RPS6KC1: variants seen among roughly 807,000 people sequenced by gnomAD.
The protein encoded by RPS6KC1 is inactive ribosomal protein S6 kinase delta-1.
Under a neutral mutation model 103.8 loss-of-function variants are expected in RPS6KC1, and 54 were observed. The ratio of observed to expected loss-of-function variants is 0.52; its 90% confidence interval spans 0.42 to 0.65. The LOEUF (loss-of-function observed/expected upper bound fraction) is 0.65. Ranked by LOEUF, RPS6KC1 falls within the 30% of genes least tolerant of loss-of-function variation. The pLI is 0.00. For synonymous variants in RPS6KC1, 439 were observed against 438.7 expected, an observed-to-expected ratio of 1.00 and a Z score of -0.01; for missense variants, 1,151 against 1,253.8, an observed-to-expected ratio of 0.92 and a Z score of 1.24.
chr1:213,670,698 A>G, the RPS6KC1 span, among the ~76,000 whole-genome samples: 1 of 152,062 alleles, frequency 6.6e-6, no homozygotes, highest in Non-Finnish European at 1.5e-5. Context: ...ACTGACCTGG[A>G]AGCTGCAAAG....
intron 5 of RPS6KC1, among the ~76,000 whole-genome samples, chr1:213,128,510 T>C (rs569368180): frequency 6.6e-6 from 1 of 152,296 alleles, no homozygotes; most frequent in South Asian, 2.1e-4. Context: ...AAGTCTGATA[T>C]GTATTGTGGA....
chr1:213,098,192 T>G (rs1183529256), intron 3 of RPS6KC1, among the ~76,000 whole-genome samples: 1 of 152,128 alleles, frequency 6.6e-6, no homozygotes, highest in Non-Finnish European at 1.5e-5. Context: ...CATGGCTCAC[T>G]GCAGTCTTGA....
the RPS6KC1 span, among the ~76,000 whole-genome samples, chr1:213,627,124 C>T: frequency 6.6e-6 from 1 of 152,126 alleles, no homozygotes. Flanking sequence ...TGTGGTTCTC[C>T]TTGAAGAGGT....
the RPS6KC1 span, among the ~76,000 whole-genome samples, chr1:213,502,601 C>T: frequency 6.6e-6 from 1 of 151,910 alleles, no homozygotes; most frequent in Non-Finnish European, 1.5e-5. Flanking sequence ...TCAGGAAAAC[C>T]ATGTAGTCAT....
chr1:213,213,911 C>T (rs746534231), intron 8 of RPS6KC1, among the ~76,000 whole-genome samples: 7 of 152,134 alleles, frequency 4.6e-5, no homozygotes, highest in South Asian at 2.1e-4. Flanking sequence ...CCAAGATGGC[C>T]GAATAGGAAC....
chr1:213,211,467 C>T (rs1469286349), intron 8 of RPS6KC1, among the ~76,000 whole-genome samples: 1 of 152,282 alleles, frequency 6.6e-6, no homozygotes, highest in African/African-American at 2.4e-5. Context: ...TTTAGCAATT[C>T]TGTTTTAAAC....
intron 14 of RPS6KC1, among the ~76,000 whole-genome samples, chr1:213,267,266 G>A (rs2094933772): frequency 6.6e-6 from 1 of 151,616 alleles, no homozygotes; most frequent in Admixed American, 6.6e-5. Flanking sequence ...ACAGACACAG[G>A]GGTGACCCCG....
chr1:213,827,405 C>T, the RPS6KC1 span, among the ~76,000 whole-genome samples: 1 of 152,170 alleles, frequency 6.6e-6, no homozygotes, highest in Non-Finnish European at 1.5e-5. Flanking sequence ...GAGGAACCTC[C>T]ATGCTAGGCA....
rs1247074385 is a variant in RPS6KC1, at chr1:213,274,669, C to T, written c.*2035C>T. On this transcript the variant is annotated 3_prime_UTR_variant, in exon 15 of 15. Transcript: ENST00000366960. ...TGGTGTGTACATATTTTAAGCTGTA[C>T]TTCTGTGAATGGTACTGATTTTTGT... is the stretch of plus-strand genomic sequence containing the variant. The T allele has an allele frequency of 3.3e-5, 5 of 151,294 alleles. No individual in the cohort carries two copies. The highest frequency in any genetic ancestry group is 7.4e-5 in the Non-Finnish European group (5 of 67,874). The allele number at this position is 151,294 out of a possible 1,614,324, so 9.4% of individuals were successfully genotyped here.
At chr1:213,246,176 C>A (rs1166942558) in intron 12 of RPS6KC1, among the ~76,000 whole-genome samples, 2 of 151,934 alleles carry the variant, frequency 1.3e-5, no homozygotes, top group African/African-American at 4.8e-5. Context: ...AGAAGCCATT[C>A]CTTTTAGGTT....
chr1:213,403,242 TC>T, the RPS6KC1 span, among the ~76,000 whole-genome samples: 1 of 152,216 alleles, frequency 6.6e-6, no homozygotes, highest in Non-Finnish European at 1.5e-5. Flanking sequence ...AACTCTCCTC[TC>T]AGCTCAGGAG....
chr1:213,103,789 T>C (rs1249020728), intron 3 of RPS6KC1, among the ~76,000 whole-genome samples: 2 of 152,246 alleles, frequency 1.3e-5, no homozygotes, highest in Non-Finnish European at 2.9e-5. Flanking sequence ...TACTACAAAA[T>C]GATCATATTT....
intron 7 of RPS6KC1, among the ~76,000 whole-genome samples, chr1:213,168,868 C>T (rs1046420968): frequency 3.9e-5 from 6 of 151,956 alleles, no homozygotes; most frequent in African/African-American, 9.7e-5. Flanking sequence ...ATGATCTGCC[C>T]GCCTCAGCCT....
the RPS6KC1 span, among the ~76,000 whole-genome samples, chr1:213,602,193 C>CTTTCTTTCTTTTTTT: frequency 2.0e-5 from 1 of 48,798 alleles, no homozygotes; most frequent in Admixed American, 2.6e-4. Flanking sequence ...TTTCTTTTTC[C>CTTTCTTTCTTTTTTT]CTCCCTCCCT....
At chr1:213,737,170 G>T in the RPS6KC1 span, among the ~76,000 whole-genome samples, 17 of 152,312 alleles carry the variant, frequency 1.1e-4, no homozygotes, top group Middle Eastern at 3.4e-3. Context: ...AAACTTAGGG[G>T]CAGAATTCAG....
chr1:213,541,204 C>T, the RPS6KC1 span, among the ~76,000 whole-genome samples: 1 of 37,410 alleles, frequency 2.7e-5, no homozygotes, highest in Non-Finnish European at 7.0e-5. Context: ...GTTAGTGGAG[C>T]AGTCAGAAGG....
chr1:213,712,649 A>T, the RPS6KC1 span, among the ~76,000 whole-genome samples: 1 of 152,012 alleles, frequency 6.6e-6, no homozygotes, highest in African/African-American at 2.4e-5. Flanking sequence ...TGGTGTAGGC[A>T]CTTGAGGGAA....
At chr1:213,527,449 C>T in the RPS6KC1 span, among the ~76,000 whole-genome samples, 5 of 152,156 alleles carry the variant, frequency 3.3e-5, no homozygotes, top group Non-Finnish European at 5.9e-5. Flanking sequence ...TTTCCCAGAC[C>T]TACTGTCTTT....
At chr1:213,164,107 CTG>C (rs2090737422) in intron 6 of RPS6KC1, among the ~76,000 whole-genome samples, 1 of 152,176 alleles carries the variant, frequency 6.6e-6, no homozygotes, top group Non-Finnish European at 1.5e-5. Flanking sequence ...CTTATAGTAA[CTG>C]TGTAACTGAG....
Sources: allele counts gnomAD v4.1 joint callset (sites outside exome capture counted in the v4.1 genomes callset), GRCh38; gene constraint gnomAD v4.1.1; transcripts MANE v1.5; gene names NCBI Gene and HGNC (gene_info 2026-07-23, HGNC 2026-07-21).